The following EXOC7 variants were observed in gnomAD, a reference collection of about 807,000 sequenced individuals.
EXOC7 encodes exocyst complex component Exo70.
Under a neutral mutation model 87.6 loss-of-function variants are expected in EXOC7, and 51 were observed. That is an observed-to-expected ratio of 0.58 (90% CI 0.46 to 0.73). The LOEUF is 0.73. Among genes scored for constraint, EXOC7 ranks in the 30% least tolerant of loss-of-function variants. The pLI, the probability that EXOC7 is intolerant of heterozygous loss-of-function variation, is 0.00. For missense variants in EXOC7, 744 were observed against 888.4 expected, an observed-to-expected ratio of 0.84 and a Z score of 2.07; for synonymous variants, 327 against 357.1, an observed-to-expected ratio of 0.92 and a Z score of 0.95.
At position 76,103,668 on chromosome 17, in the gene EXOC7, C is replaced by A. The variant is rs2068194117; in HGVS notation, c.25G>T (p.Ala9Ser). 1.2e-6 allele frequency: 2 copies of A among 1,613,156 alleles called. No homozygotes were observed. The highest frequency in any genetic ancestry group is 8.5e-7 in the Non-Finnish European group (1 of 1,179,624). ...TTGTCCTCAATCTCCCGCCGTCGAGCGGATGCCTCCTGTGGGGGAATCATC... is the reference window on the plus strand; with the variant it reads ...TTGTCCTCAATCTCCCGCCGTCGAGAGGATGCCTCCTGTGGGGGAATCATC... Reference protein sequence around the residue: MIPPQEASARRREIEDKLK... With the variant: MIPPQEASSRRREIEDKLK... The change falls in exon 1 of 19, where the codon GCT (alanine) becomes TCT (serine). Residue 9 changes from alanine to serine, a missense_variant. Coordinates refer to ENST00000589210, the MANE Select transcript of EXOC7 (RefSeq NM_001013839.4).
intron 4 of EXOC7, chr17:76,101,060 AAT>A (rs1173260522): frequency 1.2e-6 from 1 of 810,678 alleles, no homozygotes; most frequent in Non-Finnish European, 1.6e-6. Flanking sequence ...TAATTTTTAT[AAT>A]ACATTAACAA....
chr17:76,086,922 G>C (rs2067238045), intron 12 of EXOC7: 3 of 1,545,408 alleles, frequency 1.9e-6, no homozygotes, highest in Non-Finnish European at 2.6e-6. Flanking sequence ...GCACACAGAG[G>C]GGACAGAGGG....
At chr17:76,091,429 C>A in intron 6 of EXOC7, 194 bp from the exon 7 acceptor site, 2 of 583,164 alleles carry the variant, frequency 3.4e-6, no homozygotes, top group South Asian at 2.1e-5. Flanking sequence ...CAAATGGAGC[C>A]TTGATTCTAC....
Position 76,082,744 on chromosome 17 carries a change from C to G in EXOC7, c.*904G>C, listed in dbSNP as rs1194037162. 4 of 1,264,020 alleles carry G rather than the reference C, an allele frequency of 3.2e-6. No individual in the cohort carries two copies. In the Admixed American group the frequency reaches 1.1e-4, roughly 35 times the overall value. 78.3% of individuals were successfully genotyped at this position (1,264,020 alleles called of 1,614,324 possible). ...TGACAGGGCCTCTGGATTAAGCCAC[C>G]CTGAGCTCTCCCTCCGCTAGCACAC... is the stretch of plus-strand genomic sequence containing the variant. On this transcript the variant is annotated 3_prime_UTR_variant, in exon 19 of 19. Coordinates refer to ENST00000589210, the MANE Select transcript of EXOC7 (RefSeq NM_001013839.4).
rs561295093 is a variant in EXOC7, at chr17:76,082,068, G to T, written c.*1580C>A. 193 of 1,585,930 alleles carry T rather than the reference G, an allele frequency of 1.2e-4. 4 individuals are homozygous for T. The South Asian group carries it at 2.1e-3, about 17-fold the overall frequency. On this transcript the variant is annotated 3_prime_UTR_variant, in exon 19 of 19. Coordinates refer to ENST00000589210, the MANE Select transcript of EXOC7 (RefSeq NM_001013839.4). ...GCTGAAGGTGGGCAGGGGCTGGGGG[G>T]TAAGGAATGAGGCCTAGGTGCACAC... is the stretch of plus-strand genomic sequence containing the variant.
chr17:76,089,312 C>T lies in EXOC7; in HGVS notation c.910G>A (p.Asp304Asn), dbSNP rs1428926661. 6.2e-6 allele frequency: 10 copies of T among 1,614,004 alleles called. No homozygotes were observed. Among genetic ancestry groups the T allele is most frequent in the Non-Finnish European group, 5.9e-6 (7 of 1,179,992 alleles). The change falls in exon 8 of 19, where the codon GAC becomes AAC. Residue 304 changes from aspartate (D) to asparagine (N), a missense_variant. Transcript: ENST00000589210. ...SNLIPLEGRD[D>N]MLDVETDAYI... ...GCATCGGTCTCCACGTCCAGCATGT[C>T]ATCTCTCCCTGGGGGATGGCACAAC...
intron 12 of EXOC7, 71 bp from the exon 13 acceptor site, chr17:76,086,216 T>A: frequency 6.9e-7 from 1 of 1,450,542 alleles, no homozygotes; most frequent in South Asian, 1.2e-5. Flanking sequence ...CCCCAGGCCA[T>A]GCAGCAGTCT....
Position 76,083,503 on chromosome 17 carries a change from C to A in EXOC7, c.*145G>T, listed in dbSNP as rs1314663732. 5.3e-6 allele frequency: 4 copies of A among 748,474 alleles called. No individual in the cohort carries two copies. The East Asian group carries it at 1.0e-4, about 20-fold the overall frequency. 46.4% of individuals were successfully genotyped at this position (748,474 alleles called of 1,614,324 possible). On this transcript the variant is annotated 3_prime_UTR_variant, in exon 19 of 19. Coordinates refer to ENST00000589210, the MANE Select transcript of EXOC7 (RefSeq NM_001013839.4). Reference sequence around the variant, plus strand: ...AAAAGCAGGAGCCAGGACTAGGGGGCTCAGGGACACAGCTCCCGGAGGCGT... The same window carrying A: ...AAAAGCAGGAGCCAGGACTAGGGGGATCAGGGACACAGCTCCCGGAGGCGT...
rs34439220 is a variant in EXOC7, at chr17:76,086,093, T to C, written c.1482A>G (p.Leu494=). Residue 494 remains leucine (L), a synonymous_variant, in exon 13 of 19, where the codon CTA becomes CTG. Coordinates refer to ENST00000589210, the MANE Select transcript of EXOC7 (RefSeq NM_001013839.4). ...GAGAACACTCACAGATATAGGTGCT[T>C]AGCAGCCGCTTGCTGAACTCAGAGC... ...SYSSEFSKRL[L]STYICKVLGN... 1,843 of 1,613,776 alleles carry C rather than the reference T, an allele frequency of 1.1e-3. 14 individuals carry two copies. In the African/African-American group the frequency reaches 0.022, roughly 19 times the overall value.
At position 76,082,716 on chromosome 17, in the gene EXOC7, C is replaced by A. The variant is rs370605871; in HGVS notation, c.*932G>T. ...TTGCTTTCCCATGGCTGGGGGCGGG[C>A]CATGACAGGGCCTCTGGATTAAGCC... On this transcript the variant is annotated 3_prime_UTR_variant, in exon 19 of 19. Transcript: ENST00000589210. 52 of 1,490,604 alleles carry A rather than the reference C, an allele frequency of 3.5e-5. No individual in the cohort carries two copies. The East Asian group carries it at 5.4e-4, about 16-fold the overall frequency. 92.3% of individuals were successfully genotyped at this position (1,490,604 alleles called of 1,614,324 possible). A position where few individuals can be genotyped will look rare whatever the true frequency, so the allele number is the denominator to read the frequency against.
Position 76,082,674 on chromosome 17 carries a change from A to T in EXOC7, c.*974T>A, listed in dbSNP as rs1392174143. 1.3e-6 allele frequency: 2 copies of T among 1,582,856 alleles called. No homozygotes were observed. Among genetic ancestry groups the T allele is most frequent in the African/African-American group, 2.7e-5 (2 of 73,800 alleles). On this transcript the variant is annotated 3_prime_UTR_variant, in exon 19 of 19. Transcript: ENST00000589210. Reference sequence around the variant, plus strand: ...TGTAAAGGGGCAGGGCCTGGGCTGCACACCTTAGGATGAAGTTTGCTTTCC... The same window carrying T: ...TGTAAAGGGGCAGGGCCTGGGCTGCTCACCTTAGGATGAAGTTTGCTTTCC...
At chr17:76,098,144 T>A in intron 4 of EXOC7, 126 bp from the exon 5 acceptor site, 2 of 235,772 alleles carry the variant, frequency 8.5e-6, no homozygotes, top group Non-Finnish European at 1.5e-5. Flanking sequence ...CCCTGATATC[T>A]TTTTTTTTTT....
At chr17:76,093,068 C>G (rs2067573762) in intron 6 of EXOC7, 1 of 152,494 alleles carries the variant, frequency 6.6e-6, no homozygotes, top group Admixed American at 6.5e-5. Context: ...CCAGCGGGCA[C>G]TCTTAAGGCA....
In EXOC7 at chr17:76,084,552, C is replaced by T. The variant is rs770435460; in HGVS notation, c.1741G>A (p.Glu581Lys). The change falls in exon 16 of 19, where the codon GAG (glutamate) becomes AAG (lysine). Residue 581 changes from glutamate (E) to lysine (K), a missense_variant. Physicochemically the swap from Glu to Lys is moderately conservative, Grantham distance 56. Around this residue, in one of 3 missense-constraint regions of EXOC7, gnomAD observed 228 missense variants for 298.6 expected, o/e 0.76. Coordinates refer to ENST00000589210, the MANE Select transcript of EXOC7 (RefSeq NM_001013839.4). Reference protein sequence around the residue: ...SWLKVTDYIAEKNLPVFQPGV... With the variant: ...SWLKVTDYIAKKNLPVFQPGV... ...GGCTGGAACACAGGTAGATTCTTCTCTGCGATGTAATCAGTCACCTTTAAC... is the reference window on the plus strand; with the variant it reads ...GGCTGGAACACAGGTAGATTCTTCTTTGCGATGTAATCAGTCACCTTTAAC... 19 of 1,613,952 alleles carry T rather than the reference C, an allele frequency of 1.2e-5. No homozygotes were observed. In the South Asian group the frequency reaches 2.1e-4, roughly 18 times the overall value.
chr17:76,084,168 G>A (rs756347108), intron 17 of EXOC7, 29 bp from the exon 18 acceptor site: 1 of 1,594,430 alleles, frequency 6.3e-7, no homozygotes, highest in Non-Finnish European at 8.5e-7. Context: ...AAAAAGGAAG[G>A]CACCCAGAGA....
In EXOC7 at chr17:76,097,881, G is replaced by A. The variant is rs770214235; in HGVS notation, c.555C>T (p.Asp185=). Residue 185 remains aspartate (D), a synonymous_variant, in exon 5 of 19, where the codon GAC becomes GAT. Transcript: ENST00000589210. ...SGDDDLEAQE[D]VTLEHLPESV... is the part of the protein sequence containing the mutation. Reference sequence around the variant, plus strand: ...TCTCGGGCAGGTGCTCCAGGGTCACGTCCTCCTGGGCCTCCAGATCATCGT... The same window carrying A: ...TCTCGGGCAGGTGCTCCAGGGTCACATCCTCCTGGGCCTCCAGATCATCGT... The A allele has an allele frequency of 2.0e-5, 32 of 1,613,894 alleles. No individual in the cohort carries two copies. Among genetic ancestry groups the A allele is most frequent in the East Asian group, 8.9e-5 (4 of 44,884 alleles).
At chr17:76,087,598 T>G (rs372356813) in intron 12 of EXOC7, 56 bp downstream of exon 12, 1 of 1,514,294 alleles carries the variant, frequency 6.6e-7, no homozygotes, top group Non-Finnish European at 9.0e-7. Flanking sequence ...TCTAACCCCA[T>G]GTCTCCAGGC....
At position 76,103,336 on chromosome 17, in the gene EXOC7, C is replaced by CT. The variant is rs1309284583; in HGVS notation, c.126+24dup. 2.5e-6 allele frequency: 4 copies of CT among 1,572,250 alleles called. No individual in the cohort carries two copies. In the East Asian group the frequency reaches 9.2e-5, roughly 36 times the overall value. ...CCCCCAGGGTCCGGAGGCCTGCCCT[C>CT]TCCCCCAGCTGCGGGGAGACTCACC... On this transcript the variant is annotated intron_variant, in intron 2 of 18. Transcript: ENST00000589210.
At chr17:76,086,216 T>C (rs1017271292) in intron 12 of EXOC7, 71 bp from the exon 13 acceptor site, 8 of 1,450,424 alleles carry the variant, frequency 5.5e-6, no homozygotes, top group African/African-American at 2.8e-5. Context: ...CCCCAGGCCA[T>C]GCAGCAGTCT....
Sources: gnomAD v4.1 joint callset for allele counts on GRCh38, gnomAD v4.1.1 for gene constraint, gnomAD v4.1.1 regional missense constraint, MANE v1.5 for transcripts, NCBI Gene and HGNC (gene_info 2026-07-23, HGNC 2026-07-21) for gene names.